The following SPRYD4 variants were observed in gnomAD, a reference collection of about 807,000 sequenced individuals.
SPRYD4 encodes the protein SPRY domain containing 4.
SPRYD4 carries 12 observed loss-of-function variants against 16.6 expected under a neutral mutation model. The ratio of observed to expected loss-of-function variants is 0.72; its 90% CI spans 0.46 to 1.17. SPRYD4 has a LOEUF of 1.17. Ranked by LOEUF, SPRYD4 falls within the 50% of genes most tolerant of loss-of-function variation. The probability of loss-of-function intolerance (pLI) is 0.00; values close to 1 mark genes in which losing one functional copy is unlikely to be tolerated. For synonymous variants in SPRYD4, 98 were observed against 105.4 expected (o/e 0.93, Z 0.43); for missense variants, 260 against 260.2 (o/e 1.00, Z 0.00).
At position 56,479,109 on chromosome 12, in the gene SPRYD4, C is replaced by T. The variant is rs1165977379; in HGVS notation, c.*9532C>T. Reference sequence around the variant, plus strand: ...AGATGCGATCCACATGGCCCGTGAACTCCTCAAAATCAGGAATGACAAACT... The same window carrying T: ...AGATGCGATCCACATGGCCCGTGAATTCCTCAAAATCAGGAATGACAAACT... On this transcript the variant is annotated 3_prime_UTR_variant, in exon 2 of 2. Transcript: ENST00000338146. The T allele has an allele frequency of 6.2e-7, 1 of 1,613,932 alleles. No homozygotes were observed. The highest frequency in any genetic ancestry group is 1.3e-5 in the African/African-American group (1 of 74,894).
At position 56,472,426 on chromosome 12, in the gene SPRYD4, T is replaced by A; in HGVS notation, c.*2849T>A. 3.3e-6 allele frequency: 2 copies of A among 605,354 alleles called. No individual in the cohort carries two copies. The highest frequency in any genetic ancestry group is 5.9e-5 in the Admixed American group (2 of 33,692). 37.5% of individuals were successfully genotyped at this position (605,354 alleles called of 1,614,324 possible). A position where few individuals can be genotyped will look rare whatever the true frequency, so the allele number is the denominator to read the frequency against. Reference sequence around the variant, plus strand: ...AATATCACTCACTGCCTACCTGTGGTAAGTGCCCATTTGAGGCAGGGTACC... The same window carrying A: ...AATATCACTCACTGCCTACCTGTGGAAAGTGCCCATTTGAGGCAGGGTACC... On this transcript the variant is annotated 3_prime_UTR_variant, in exon 2 of 2. Coordinates refer to ENST00000338146, the MANE Select transcript of SPRYD4 (RefSeq NM_207344.4).
rs1389275687 is a variant in SPRYD4 at position 56,474,394 on chromosome 12, A to G, written c.*4817A>G. The G allele has an allele frequency of 1.1e-6, 1 of 896,476 alleles. No homozygotes were observed. The highest frequency in any genetic ancestry group is 1.7e-6 in the Non-Finnish European group (1 of 601,800). 55.5% of individuals were successfully genotyped at this position (896,476 alleles called of 1,614,324 possible). On this transcript the variant is annotated 3_prime_UTR_variant, in exon 2 of 2. Transcript: ENST00000338146. ...TCGAGGAACTTGGTGTTTTTGAGAA[A>G]CTCGTCTAAGGAGTCTCAACCTAAT...
intron 1 of SPRYD4, 97 bp from the exon 2 acceptor site, chr12:56,468,942 G>T: frequency 7.0e-7 from 1 of 1,428,502 alleles, no homozygotes. Context: ...TTCCCTAGTT[G>T]CTCGTGTATC....
At position 56,474,889 on chromosome 12, in the gene SPRYD4, G is replaced by C. The variant is rs747514729; in HGVS notation, c.*5312G>C. On this transcript the variant is annotated 3_prime_UTR_variant, in exon 2 of 2. Coordinates refer to ENST00000338146, the MANE Select transcript of SPRYD4 (RefSeq NM_207344.4). ...GGCAGCCATCATGTCCACCCCCTTA[G>C]GAAAGCACTGCAAGGAAGAGAGGGG... The C allele has an allele frequency of 1.9e-6, 3 of 1,614,086 alleles. No homozygotes were observed. Among genetic ancestry groups the C allele is most frequent in the Non-Finnish European group, 2.5e-6 (3 of 1,180,008 alleles).
rs1869846813 is a variant in SPRYD4 at position 56,476,636 on chromosome 12, C to G, written c.*7059C>G. ...TGAGATGGAGTCTTGCTCTGTCGCC[C>G]AGGCTGGAGTGCAGTGGCAGGATCT... On this transcript the variant is annotated 3_prime_UTR_variant, in exon 2 of 2. Transcript: ENST00000338146. The G allele has an allele frequency of 6.6e-6, 1 of 150,830 alleles. No homozygotes were observed. The highest frequency in any genetic ancestry group is 2.5e-5 in the African/African-American group (1 of 40,606). The allele number at this position is 150,830 out of a possible 1,614,324, so 9.3% of individuals were successfully genotyped here. A position where few individuals can be genotyped will look rare whatever the true frequency, so the allele number is the denominator to read the frequency against.
In SPRYD4 at chr12:56,474,976, A is replaced by G. The variant is rs1869671945; in HGVS notation, c.*5399A>G. On this transcript the variant is annotated 3_prime_UTR_variant, in exon 2 of 2. Transcript: ENST00000338146. ...TGTCAGGGTCTCAGCTGAAGCCCCC[A>G]ACCCCTACTGCCCTTCCACTAGCAG... is the stretch of plus-strand genomic sequence containing the variant. 5 of 1,613,598 alleles carry G rather than the reference A, an allele frequency of 3.1e-6. No individual in the cohort carries two copies. The highest frequency in any genetic ancestry group is 3.4e-6 in the Non-Finnish European group (4 of 1,179,898).
Position 56,474,564 on chromosome 12 carries a change from A to G in SPRYD4, c.*4987A>G. ...CTCACGTGGAAGGCAAACTGGCCAG[A>G]GAAGTCATACATGCCGCAGGAATGC... On this transcript the variant is annotated 3_prime_UTR_variant, in exon 2 of 2. Coordinates refer to ENST00000338146, the MANE Select transcript of SPRYD4 (RefSeq NM_207344.4). The G allele has an allele frequency of 6.2e-7, 1 of 1,614,092 alleles. No individual in the cohort carries two copies. Among genetic ancestry groups the G allele is most frequent in the Non-Finnish European group, 8.5e-7 (1 of 1,180,044 alleles).
Position 56,472,114 on chromosome 12 carries a change from A to G in SPRYD4, c.*2537A>G, listed in dbSNP as rs1869333005. ...CTCCTCCTCCCCTCCTTAACCCTTC[A>G]GTACCTTCAGCTGCAGCAACATGCA... On this transcript the variant is annotated 3_prime_UTR_variant, in exon 2 of 2. Coordinates refer to ENST00000338146, the MANE Select transcript of SPRYD4 (RefSeq NM_207344.4). 1 of 1,614,094 alleles carries G rather than the reference A, an allele frequency of 6.2e-7. No individual in the cohort carries two copies. Among genetic ancestry groups the G allele is most frequent in the Non-Finnish European group, 8.5e-7 (1 of 1,179,946 alleles).
rs1398034378 is a variant in SPRYD4 at position 56,471,121 on chromosome 12, T to C, written c.*1544T>C. 5.0e-6 allele frequency: 2 copies of C among 398,222 alleles called. No homozygotes were observed. Among genetic ancestry groups the C allele is most frequent in the African/African-American group, 4.1e-5 (2 of 48,710 alleles). The allele number at this position is 398,222 out of a possible 1,614,324, so 24.7% of individuals were successfully genotyped here. ...CCCATATTCTGTGGATATGTACATG[T>C]GCATGGTAGCTAGAGTCCCTCCACC... On this transcript the variant is annotated 3_prime_UTR_variant, in exon 2 of 2. Transcript: ENST00000338146.
Position 56,473,646 on chromosome 12 carries a change from AAAT to A in SPRYD4, c.*4072_*4074del, listed in dbSNP as rs1421644745. 10 of 1,567,200 alleles carry A rather than the reference AAAT, an allele frequency of 6.4e-6. No individual in the cohort carries two copies. In the African/African-American group the frequency reaches 8.1e-5, roughly 13 times the overall value. On this transcript the variant is annotated 3_prime_UTR_variant, in exon 2 of 2. Transcript: ENST00000338146. ...TAAAGTGGGTGTGCCCCAAATCAGA[AAAT>A]AAACAAGTTAGGCTGTACTCTTAAC...
Position 56,473,096 on chromosome 12 carries a change from A to T in SPRYD4, c.*3519A>T. On this transcript the variant is annotated 3_prime_UTR_variant, in exon 2 of 2. Coordinates refer to ENST00000338146, the MANE Select transcript of SPRYD4 (RefSeq NM_207344.4). ...AATAGAGACCAGGTTTCACCGTGTT[A>T]GCCAGGATGGTCTTGATCTCCTGAC... 6.3e-6 allele frequency: 5 copies of T among 797,954 alleles called. No individual in the cohort carries two copies. The highest frequency in any genetic ancestry group is 1.7e-5 in the South Asian group (1 of 58,338). The allele number at this position is 797,954 out of a possible 1,614,324, so 49.4% of individuals were successfully genotyped here. A position where few individuals can be genotyped will look rare whatever the true frequency, so the allele number is the denominator to read the frequency against.
rs866883955 is a variant in SPRYD4, at chr12:56,472,857, G to A, written c.*3280G>A. On this transcript the variant is annotated 3_prime_UTR_variant, in exon 2 of 2. Transcript: ENST00000338146. Reference sequence around the variant, plus strand: ...CTTAGTCCAAGGGTATTGCTGAAGTGTTATGGAATGTGCTACTCTGAAATA... The same window carrying A: ...CTTAGTCCAAGGGTATTGCTGAAGTATTATGGAATGTGCTACTCTGAAATA... 268 of 736,784 alleles carry A rather than the reference G, an allele frequency of 3.6e-4. 1 individual carries two copies. In the Middle Eastern group the frequency reaches 4.5e-3, roughly 12 times the overall value. The allele number at this position is 736,784 out of a possible 1,614,324, so 45.6% of individuals were successfully genotyped here. A position where few individuals can be genotyped will look rare whatever the true frequency, so the allele number is the denominator to read the frequency against.
In SPRYD4 at chr12:56,474,910, AG is replaced by A; in HGVS notation, c.*5337del. The A allele has an allele frequency of 6.2e-7, 1 of 1,614,130 alleles. No homozygotes were observed. Among genetic ancestry groups the A allele is most frequent in the South Asian group, 1.1e-5 (1 of 91,082 alleles). On this transcript the variant is annotated 3_prime_UTR_variant, in exon 2 of 2. Transcript: ENST00000338146. ...CTTAGGAAAGCACTGCAAGGAAGAG[AG>A]GGGAGAGCATTTCTCTTCAGGACAT...
Position 56,473,580 on chromosome 12 carries a change from G to T in SPRYD4, c.*4003G>T, listed in dbSNP as rs572977308. 1.2e-6 allele frequency: 2 copies of T among 1,610,756 alleles called. No individual in the cohort carries two copies. Among genetic ancestry groups the T allele is most frequent in the African/African-American group, 1.3e-5 (1 of 74,936 alleles). ...GGATGGCTCCTGATACAGCTGACTT[G>T]GCTGGCAGGCCCACCTGGGGAACAG... On this transcript the variant is annotated 3_prime_UTR_variant, in exon 2 of 2. Coordinates refer to ENST00000338146, the MANE Select transcript of SPRYD4 (RefSeq NM_207344.4).
In SPRYD4 at chr12:56,473,301, T is replaced by C. The variant is rs764014477; in HGVS notation, c.*3724T>C. Reference sequence around the variant, plus strand: ...CCTCAGGTTGTCATAGTTGTGGAAATTGAAGAGAGACACCAACTTCTAGAA... The same window carrying C: ...CCTCAGGTTGTCATAGTTGTGGAAACTGAAGAGAGACACCAACTTCTAGAA... On this transcript the variant is annotated 3_prime_UTR_variant, in exon 2 of 2. Coordinates refer to ENST00000338146, the MANE Select transcript of SPRYD4 (RefSeq NM_207344.4). 10 of 1,614,170 alleles carry C rather than the reference T, an allele frequency of 6.2e-6. No individual in the cohort carries two copies. Among genetic ancestry groups the C allele is most frequent in the Non-Finnish European group, 8.5e-6 (10 of 1,180,036 alleles).
Position 56,479,625 on chromosome 12 carries a change from C to A in SPRYD4, c.*10048C>A. On this transcript the variant is annotated 3_prime_UTR_variant, in exon 2 of 2. Coordinates refer to ENST00000338146, the MANE Select transcript of SPRYD4 (RefSeq NM_207344.4). ...AACATGTATTTCTATATTGTTTGAA[C>A]TCTTATGATGAGTATTCATGTATAA... 2 of 868,852 alleles carry A rather than the reference C, an allele frequency of 2.3e-6. No individual in the cohort carries two copies. Among genetic ancestry groups the A allele is most frequent in the South Asian group, 2.8e-5 (1 of 35,208 alleles). 53.8% of individuals were successfully genotyped at this position (868,852 alleles called of 1,614,324 possible).
rs764503222 is a variant in SPRYD4, at chr12:56,468,624, G to A, written c.33G>A (p.Leu11=). The A allele has an allele frequency of 5.0e-6, 8 of 1,613,876 alleles. No homozygotes were observed. Among genetic ancestry groups the A allele is most frequent in the Admixed American group, 1.7e-5 (1 of 60,006 alleles). The part of the protein sequence containing the change: MALLFARSLR[L]CRWGAKRLGV... ...TGCTTTTTGCACGTTCTTTGCGCTT[G>A]TGCCGCTGGGGAGCCAAACGATTGG... The change falls in exon 1 of 2, where the codon TTG becomes TTA. Residue 11 remains leucine, a synonymous_variant. Coordinates refer to ENST00000338146, the MANE Select transcript of SPRYD4 (RefSeq NM_207344.4).
chr12:56,477,656 T>C lies in SPRYD4; in HGVS notation c.*8079T>C. On this transcript the variant is annotated 3_prime_UTR_variant, in exon 2 of 2. Transcript: ENST00000338146. The stretch of plus-strand genomic sequence containing the variant: ...ACCTATCAGAAGGTTAAGGTGGCAC[T>C]GACCTTGATCAGGGAGCTGACAACA... 1 of 1,613,094 alleles carries C rather than the reference T, an allele frequency of 6.2e-7. No homozygotes were observed. The highest frequency in any genetic ancestry group is 2.2e-5 in the East Asian group (1 of 44,854).
In SPRYD4 at chr12:56,472,404, ATCAC is replaced by A. The variant is rs1202997421; in HGVS notation, c.*2833_*2836del. The stretch of plus-strand genomic sequence containing the variant: ...ATGGGAATGTGATCCTTCCAGAAAT[ATCAC>A]TCACTGCCTACCTGTGGTAAGTGCC... On this transcript the variant is annotated 3_prime_UTR_variant, in exon 2 of 2. Transcript: ENST00000338146. 1.6e-6 allele frequency: 1 copy of A among 608,574 alleles called. No individual in the cohort carries two copies. The highest frequency in any genetic ancestry group is 1.9e-5 in the African/African-American group (1 of 53,984). The allele number at this position is 608,574 out of a possible 1,614,324, so 37.7% of individuals were successfully genotyped here. A position where few individuals can be genotyped will look rare whatever the true frequency, so the allele number is the denominator to read the frequency against.
Sources: allele counts gnomAD v4.1 joint callset, GRCh38; gene constraint gnomAD v4.1.1; transcripts MANE v1.5; gene names NCBI Gene and HGNC (gene_info 2026-07-23, HGNC 2026-07-21).